Variants in PLEKHG4B observed in about 807,000 individuals in gnomAD.
PLEKHG4B encodes the protein pleckstrin homology domain-containing family G member 4B.
In PLEKHG4B, 111 loss-of-function variants were observed where a neutral mutation model predicts 121.3. That is an observed-to-expected ratio of 0.92 (90% CI 0.78 to 1.07). The LOEUF is 1.07. Ranked by LOEUF, PLEKHG4B falls within the 50% of genes least tolerant of loss-of-function variation. The probability of loss-of-function intolerance (pLI) is 0.00; values close to 1 mark genes in which losing one functional copy is unlikely to be tolerated. For missense variants in PLEKHG4B, 1,831 were observed against 1,757.8 expected, an observed-to-expected ratio of 1.04 and a Z score of -0.74; for synonymous variants, 738 against 725.0, an observed-to-expected ratio of 1.02 and a Z score of -0.29.
At chr5:154,846 C>A in intron 7 of PLEKHG4B, 29 bp from the exon 8 acceptor site, 1 of 1,558,238 alleles carries the variant, frequency 6.4e-7, no homozygotes, top group Non-Finnish European at 8.8e-7. Context: ...CATCTGGAGC[C>A]ATGACCAACG....
chr5:174,277 G>C (rs1229009983), intron 18 of PLEKHG4B, among the ~76,000 whole-genome samples, 179 bp downstream of exon 18: 1 of 136,068 alleles, frequency 7.3e-6, no homozygotes, highest in East Asian at 2.2e-4. Flanking sequence ...TGGGGAATGG[G>C]GGCTGGGGCT....
rs1735110850 is a variant in PLEKHG4B at position 140,153 on chromosome 5, G to C, written c.914G>C (p.Cys305Ser). 3 of 739,314 alleles carry C rather than the reference G, an allele frequency of 4.1e-6. No homozygotes were observed. Among genetic ancestry groups the C allele is most frequent in the Non-Finnish European group, 6.4e-6 (3 of 470,210 alleles). The allele number at this position is 739,314 out of a possible 1,614,324, so 45.8% of individuals were successfully genotyped here. A position where few individuals can be genotyped will look rare whatever the true frequency, so the allele number is the denominator to read the frequency against. Reference protein sequence around the residue: ...EQGPRMPPENCGGSGERPDPM... With the variant: ...EQGPRMPPENSGGSGERPDPM... ...GGCCCACGGATGCCCCCTGAGAACT[G>C]TGGGGGGTCGGGGGAGAGGCCGGAC... Residue 305 changes from cysteine to serine, a missense_variant, in exon 3 of 20, where the codon TGT (cysteine) becomes TCT (serine). By Grantham distance (112) the Cys-to-Ser change is moderately radical. Transcript: ENST00000637938.
intron 1 of PLEKHG4B, among the ~76,000 whole-genome samples, chr5:110,180 C>T (rs1259152898): frequency 6.9e-6 from 1 of 144,542 alleles, no homozygotes; most frequent in African/African-American, 2.6e-5. Context: ...ACACACCGGC[C>T]ACTCTGCAAC....
chr5:169,546 G>T lies in PLEKHG4B; in HGVS notation c.3683G>T (p.Arg1228Leu). 1 of 1,613,914 alleles carries T rather than the reference G, an allele frequency of 6.2e-7. No homozygotes were observed. Among genetic ancestry groups the T allele is most frequent in the South Asian group, 1.1e-5 (1 of 91,088 alleles). The change falls in exon 14 of 20, where the codon CGC becomes CTC. Residue 1228 changes from arginine to leucine, a missense_variant. Physicochemically the swap from Arg to Leu is moderately radical, Grantham distance 102. Coordinates refer to ENST00000637938, the MANE Select transcript of PLEKHG4B (RefSeq NM_052909.5). Reference protein sequence around the residue: ...HQQHFLRELERCQHCPLAVGR... With the variant: ...HQQHFLRELELCQHCPLAVGR... ...CAGCACTTCCTCCGGGAGCTGGAGC[G>T]CTGCCAGCACTGCCCCTTGGCCGTG...
chr5:174,635 G>C (rs1334514121), intron 18 of PLEKHG4B, among the ~76,000 whole-genome samples: 1 of 152,146 alleles, frequency 6.6e-6, no homozygotes, highest in African/African-American at 2.4e-5. Flanking sequence ...GTATAGGCAC[G>C]GTCTGGGGAA....
At chr5:161,196 A>G (rs1002094577) in intron 11 of PLEKHG4B, among the ~76,000 whole-genome samples, 3 of 152,236 alleles carry the variant, frequency 2.0e-5, no homozygotes, top group African/African-American at 4.8e-5. Context: ...GCGTAGCCAC[A>G]GGCGCTCCGT....
chr5:140,205 G>A lies in PLEKHG4B; in HGVS notation c.966G>A (p.Lys322=). 2.4e-6 allele frequency: 3 copies of A among 1,258,272 alleles called. No homozygotes were observed. The highest frequency in any genetic ancestry group is 3.2e-6 in the Non-Finnish European group (3 of 928,172). The allele number at this position is 1,258,272 out of a possible 1,614,324, so 77.9% of individuals were successfully genotyped here. A position where few individuals can be genotyped will look rare whatever the true frequency, so the allele number is the denominator to read the frequency against. The change falls in exon 3 of 20, where the codon AAG becomes AAA. Residue 322 remains lysine, a synonymous_variant. Transcript: ENST00000637938. ...PDPMDQEDRP[K]ALTFHTDLGI... Reference sequence around the variant, plus strand: ...CCATGGACCAGGAGGACAGACCCAAGGCCCTCACCTTCCACACAGACCTGG... The same window carrying A: ...CCATGGACCAGGAGGACAGACCCAAAGCCCTCACCTTCCACACAGACCTGG...
At chr5:171,190 G>A in intron 15 of PLEKHG4B, 24 bp from the exon 16 acceptor site, 4 of 1,604,282 alleles carry the variant, frequency 2.5e-6, no homozygotes, top group Non-Finnish European at 3.4e-6. Context: ...GGCCGGAGCT[G>A]ACCCTCTCAC....
intron 1 of PLEKHG4B, among the ~76,000 whole-genome samples, chr5:108,570 T>C (rs1443369875): frequency 8.0e-6 from 1 of 124,838 alleles, no homozygotes; most frequent in Non-Finnish European, 1.6e-5. Context: ...GATGGCTGGG[T>C]GTAGACAGAC....
chr5:175,704 G>A (rs1736741135), intron 18 of PLEKHG4B, among the ~76,000 whole-genome samples: 1 of 2,066 alleles, frequency 4.8e-4, no homozygotes, highest in Admixed American at 4.8e-3. Flanking sequence ...CAGGGCTCCT[G>A]CACGGCTGCA....
Position 154,915 on chromosome 5 carries a change from T to C in PLEKHG4B, c.2033T>C (p.Val678Ala). Residue 678 changes from valine (V) to alanine (A), a missense_variant, in exon 8 of 20, where the codon GTT (valine) becomes GCT (alanine). Val to Ala is a moderately conservative substitution (Grantham distance 64, BLOSUM62 0). Coordinates refer to ENST00000637938, the MANE Select transcript of PLEKHG4B (RefSeq NM_052909.5). ...TCCCTGAAGGCCGTGCACAAATTTG[T>C]TGACAGCTGCCAGCTGACCGCAGAC... ...VSSLKAVHKF[V>A]DSCQLTADLD... 1 of 1,614,002 alleles carries C rather than the reference T, an allele frequency of 6.2e-7. No individual in the cohort carries two copies. The highest frequency in any genetic ancestry group is 8.5e-7 in the Non-Finnish European group (1 of 1,180,020).
intron 2 of PLEKHG4B, among the ~76,000 whole-genome samples, chr5:122,079 A>C (rs986942094): frequency 6.6e-5 from 10 of 152,196 alleles, no homozygotes; most frequent in African/African-American, 2.4e-4. Context: ...CATTGTTTCG[A>C]ATTTTAAAAT....
chr5:161,715 A>T, intron 11 of PLEKHG4B, 68 bp from the exon 12 acceptor site: 1 of 1,608,406 alleles, frequency 6.2e-7, no homozygotes, highest in Non-Finnish European at 8.5e-7. Context: ...ACGCAGACCC[A>T]GCCCACACCT....
intron 1 of PLEKHG4B, among the ~76,000 whole-genome samples, chr5:102,933 C>T (rs10056933): frequency 1.3e-5 from 2 of 152,162 alleles, no homozygotes; most frequent in East Asian, 3.9e-4. Flanking sequence ...GTCTTGGAGC[C>T]GGTGGTTATG....
chr5:142,514 C>G (rs1351010762), intron 3 of PLEKHG4B, among the ~76,000 whole-genome samples: 1 of 151,668 alleles, frequency 6.6e-6, no homozygotes, highest in African/African-American at 2.4e-5. Context: ...CACACGCAGA[C>G]ACATGCCTCC....
chr5:142,712 G>C (rs767721400), intron 3 of PLEKHG4B, among the ~76,000 whole-genome samples: 6 of 152,052 alleles, frequency 3.9e-5, no homozygotes, highest in Non-Finnish European at 8.8e-5. Context: ...ACATGCACGC[G>C]CAGTCACACA....
intron 6 of PLEKHG4B, among the ~76,000 whole-genome samples, chr5:147,527 G>A (rs1230583476): frequency 1.3e-5 from 2 of 152,136 alleles, no homozygotes; most frequent in African/African-American, 4.8e-5. Flanking sequence ...TGACATCAGG[G>A]TGGAAAAAAG....
At chr5:179,996 A>G (rs904198843) in intron 18 of PLEKHG4B, among the ~76,000 whole-genome samples, 2 of 151,976 alleles carry the variant, frequency 1.3e-5, no homozygotes, top group African/African-American at 4.8e-5. Flanking sequence ...TGCCACATTA[A>G]TCCTGGTTAC....
At position 169,327 on chromosome 5, in the gene PLEKHG4B, C is replaced by T. The variant is rs998030506; in HGVS notation, c.3477-13C>T. On this transcript the variant is annotated splice_polypyrimidine_tract_variant and intron_variant, in intron 13 of 19. Coordinates refer to ENST00000637938, the MANE Select transcript of PLEKHG4B (RefSeq NM_052909.5). ...GGGGGCCGTGTGCCCCCCGGGATCTCTGTGTCTTCCAGCAGCCGACTGAGG... is the reference window on the plus strand; with the variant it reads ...GGGGGCCGTGTGCCCCCCGGGATCTTTGTGTCTTCCAGCAGCCGACTGAGG... The T allele has an allele frequency of 6.2e-7, 1 of 1,613,270 alleles. No homozygotes were observed. Among genetic ancestry groups the T allele is most frequent in the Non-Finnish European group, 8.5e-7 (1 of 1,179,522 alleles).
Sources: gnomAD v4.1 joint callset for allele counts (sites outside exome capture counted in the v4.1 genomes callset) on GRCh38, gnomAD v4.1.1 for gene constraint, MANE v1.5 for transcripts, NCBI Gene and HGNC (gene_info 2026-07-23, HGNC 2026-07-21) for gene names.